Variants in CYP19A1 observed in about 807,000 individuals in gnomAD.
The protein encoded by CYP19A1 is cytochrome P450 family 19 subfamily A member 1.
In CYP19A1, 32 loss-of-function variants were observed where a neutral mutation model predicts 44.4. That is an observed-to-expected ratio of 0.72 (90% CI 0.54 to 0.97). CYP19A1 has a LOEUF of 0.97. Among genes scored for constraint, CYP19A1 ranks in the 50% least tolerant of loss-of-function variants. The pLI is 0.00. For missense variants in CYP19A1, 598 were observed against 637.8 expected (o/e 0.94, Z 0.67); for synonymous variants, 212 against 215.6 (o/e 0.98, Z 0.14).
chr15:51,239,915 G>A (rs2033644151), intron 2 of CYP19A1, among the ~76,000 whole-genome samples: 1 of 152,202 alleles, frequency 6.6e-6, no homozygotes, highest in Non-Finnish European at 1.5e-5. Context: ...GGCATCTGGA[G>A]GGAGAGGACC....
At chr15:51,309,229 A>G (rs1474820967) in intron 1 of CYP19A1, among the ~76,000 whole-genome samples, 4 of 152,146 alleles carry the variant, frequency 2.6e-5, no homozygotes, top group Admixed American at 1.3e-4. Context: ...TCTTTCTGCT[A>G]TGTGAGAATA....
intron 1 of CYP19A1, chr15:51,321,944 T>A (rs1315073978): frequency 1.5e-5 from 2 of 133,988 alleles, no homozygotes; most frequent in African/African-American, 7.0e-5. Context: ...AAATGCTGTT[T>A]AGGGGAAAAA....
intron 1 of CYP19A1, among the ~76,000 whole-genome samples, chr15:51,290,483 C>G (rs963340082): frequency 4.6e-5 from 7 of 152,158 alleles, no homozygotes; most frequent in Admixed American, 1.3e-4. Flanking sequence ...TGTTCAATGC[C>G]TAAGATGGAG....
In CYP19A1 at chr15:51,212,520, C is replaced by T. The variant is rs1566868380; in HGVS notation, c.1063G>A (p.Val355Met). Reference protein sequence around the residue: ...IKIDDIQKLKVMENFIYESMR... With the variant: ...IKIDDIQKLKMMENFIYESMR... ...CTCTCATAAATGAAGTTTTCCATCA[C>T]TTTTAATTTTTGTATATCATCAATC... is the stretch of plus-strand genomic sequence containing the variant. The change falls in exon 9 of 10, where the codon GTG becomes ATG. Residue 355 changes from valine to methionine, a missense_variant. Transcript: ENST00000396402. 6.5e-7 allele frequency: 1 copy of T among 1,544,082 alleles called. No individual in the cohort carries two copies. Among genetic ancestry groups the T allele is most frequent in the Non-Finnish European group, 9.0e-7 (1 of 1,116,124 alleles).
At chr15:51,227,051 G>T (rs1373838236) in intron 4 of CYP19A1, among the ~76,000 whole-genome samples, 2 of 151,926 alleles carry the variant, frequency 1.3e-5, no homozygotes, top group Non-Finnish European at 2.9e-5. Flanking sequence ...CAAACATATG[G>T]GTGACATGCT....
Position 51,210,931 on chromosome 15 carries a change from CA to C in CYP19A1, c.1388del (p.Leu463CysfsTer28). 6.2e-7 allele frequency: 1 copy of C among 1,609,020 alleles called. No homozygotes were observed. ...GTATGCTCTCAACACACTGTCCTTGCAATGTCTTCACGTGGAATCGTCTCAG... is the reference window on the plus strand; with the variant it reads ...GTATGCTCTCAACACACTGTCCTTGCATGTCTTCACGTGGAATCGTCTCAG... ...TLLRRFHVKTLQGQCVESIQK... is the reference protein window; with the variant it reads ...TLLRRFHVKTXQGQCVESIQK... On this transcript the variant is annotated frameshift_variant, in exon 10 of 10. Transcript: ENST00000396402. LOFTEE classifies it low-confidence loss of function (END_TRUNC).
intron 1 of CYP19A1, among the ~76,000 whole-genome samples, chr15:51,308,678 C>T (rs941309398): frequency 4.6e-5 from 7 of 152,056 alleles, no homozygotes; most frequent in Non-Finnish European, 7.4e-5. Context: ...TAGAGGCCGG[C>T]GCAGTAGGTA....
At chr15:51,215,274 A>C (rs779762427) in intron 7 of CYP19A1, 42 bp from the exon 8 acceptor site, 1 of 1,613,600 alleles carries the variant, frequency 6.2e-7, no homozygotes, top group South Asian at 1.1e-5. Flanking sequence ...AAAGTGAATC[A>C]AAGTTTCAAA....
At chr15:51,336,094 C>G (rs2036770781) in intron 1 of CYP19A1, among the ~76,000 whole-genome samples, 1 of 152,214 alleles carries the variant, frequency 6.6e-6, no homozygotes, top group African/African-American at 2.4e-5. Flanking sequence ...CTGAACCACA[C>G]ATCCAACTCT....
At chr15:51,218,445 A>C (rs1197807404) in intron 6 of CYP19A1, 96 bp downstream of exon 6, 1 of 1,518,356 alleles carries the variant, frequency 6.6e-7, no homozygotes, top group African/African-American at 1.4e-5. Context: ...TAGAGAGCAG[A>C]AAAGTTACCT....
At chr15:51,257,405 G>A (rs939142343) in intron 1 of CYP19A1, among the ~76,000 whole-genome samples, 6 of 152,208 alleles carry the variant, frequency 3.9e-5, no homozygotes, top group African/African-American at 1.4e-4. Context: ...GCAGGACGCA[G>A]GAAGGTGAAG....
Position 51,254,754 on chromosome 15 carries a change from C to T in CYP19A1, c.-38-11804G>A, listed in dbSNP as rs537810382. On this transcript the variant is annotated intron_variant, in intron 1 of 9. Coordinates refer to ENST00000396402, the MANE Select transcript of CYP19A1 (RefSeq NM_000103.4). ...CTATCTGTTTATGTTTTTATGGATG[C>T]AATATCTGTTTGTGTCTCTGATGCT... Among the ~76,000 whole-genome samples, 15 of 152,202 alleles carry T rather than the reference C, an allele frequency of 9.9e-5. No individual in the cohort carries two copies. The East Asian group carries it at 2.5e-3, about 25-fold the overall frequency.
chr15:51,217,713 A>G (rs2031709367), intron 6 of CYP19A1, among the ~76,000 whole-genome samples: 1 of 152,238 alleles, frequency 6.6e-6, no homozygotes, highest in African/African-American at 2.4e-5. Flanking sequence ...AGTACCCTCT[A>G]TGTGCCATGC....
At chr15:51,288,566 C>T (rs2470175) in intron 1 of CYP19A1, among the ~76,000 whole-genome samples, 2 of 152,140 alleles carry the variant, frequency 1.3e-5, no homozygotes, top group African/African-American at 4.8e-5. Context: ...TTGGCATGCT[C>T]CTGTGGCCCA....
chr15:51,297,816 T>TCACACACA (rs1566917194), intron 1 of CYP19A1, among the ~76,000 whole-genome samples: 9 of 51,628 alleles, frequency 1.7e-4, no homozygotes, highest in African/African-American at 1.0e-3. Flanking sequence ...ACTGTAGGCA[T>TCACACACA]GACACACACA....
Position 51,212,549 on chromosome 15 carries a change from A to AT in CYP19A1, c.1033dup (p.Ile345AsnfsTer4). The stretch of plus-strand genomic sequence containing the variant: ...TAATTTTTGTATATCATCAATCTTT[A>AT]TGTCTCTCTCACCTGTGGAAACAGA... On this transcript the variant is annotated frameshift_variant, in exon 9 of 10. Transcript: ENST00000396402. LOFTEE classifies it high-confidence loss of function. The AT allele has an allele frequency of 6.7e-7, 1 of 1,484,208 alleles. No individual in the cohort carries two copies. Among genetic ancestry groups the AT allele is most frequent in the South Asian group, 1.1e-5 (1 of 88,390 alleles). 91.9% of individuals were successfully genotyped at this position (1,484,208 alleles called of 1,614,324 possible).
chr15:51,211,173 C>A (rs1207187015), intron 9 of CYP19A1, 117 bp from the exon 10 acceptor site: 9 of 725,002 alleles, frequency 1.2e-5, no homozygotes, highest in Non-Finnish European at 2.0e-5. Flanking sequence ...TTATCAGCTA[C>A]AATGCCCTCC....
At chr15:51,276,736 C>T (rs1346837320) in intron 1 of CYP19A1, among the ~76,000 whole-genome samples, 1 of 152,188 alleles carries the variant, frequency 6.6e-6, no homozygotes, top group East Asian at 1.9e-4. Flanking sequence ...CAAGCAAAGT[C>T]TCCACAAAAA....
intron 5 of CYP19A1, 91 bp downstream of exon 5, chr15:51,222,258 T>C: frequency 1.0e-5 from 16 of 1,603,506 alleles, no homozygotes; most frequent in Non-Finnish European, 1.4e-5. Flanking sequence ...ATGTAGAAAA[T>C]GGCATGTGAT....
Sources: gnomAD v4.1 joint callset for allele counts (sites outside exome capture counted in the v4.1 genomes callset) on GRCh38, gnomAD v4.1.1 for gene constraint, MANE v1.5 for transcripts, NCBI Gene and HGNC (gene_info 2026-07-23, HGNC 2026-07-21) for gene names.